Variants in SLC35F1 observed in about 807,000 individuals in gnomAD.
SLC35F1 encodes chromosome 6 open reading frame 169.
A neutral mutation model predicts 48.7 loss-of-function variants in SLC35F1; 14 were observed. The ratio of observed to expected loss-of-function variants is 0.29; its 90% CI spans 0.19 to 0.45. The LOEUF (loss-of-function observed/expected upper bound fraction) is 0.45. SLC35F1 is among the 20% of genes least tolerant of loss of function. SLC35F1 has a pLI of 1.00. For synonymous variants in SLC35F1, 190 were observed against 202.2 expected (o/e 0.94, Z 0.51); for missense variants, 404 against 500.0 (o/e 0.81, Z 1.83).
chr6:118,051,079 A>G (rs1034170413), intron 1 of SLC35F1, among the ~76,000 whole-genome samples: 3 of 152,194 alleles, frequency 2.0e-5, no homozygotes, highest in African/African-American at 7.2e-5. Flanking sequence ...GAATTTGTGC[A>G]TCCTCTCCTG....
chr6:118,069,131 C>G (rs1008794683), intron 1 of SLC35F1, among the ~76,000 whole-genome samples: 6 of 152,122 alleles, frequency 3.9e-5, no homozygotes. Context: ...ATTTCAAATT[C>G]TATCAGCATG....
At chr6:118,178,357 GT>G (rs1774523769) in intron 2 of SLC35F1, among the ~76,000 whole-genome samples, 1 of 151,962 alleles carries the variant, frequency 6.6e-6, no homozygotes, top group Non-Finnish European at 1.5e-5. Flanking sequence ...TCCTACAGCT[GT>G]TTTTTTGAAA....
intron 2 of SLC35F1, among the ~76,000 whole-genome samples, chr6:118,205,840 A>G (rs915826592): frequency 5.3e-5 from 8 of 152,228 alleles, no homozygotes; most frequent in Admixed American, 3.3e-4. Context: ...TACAATATGG[A>G]CTACCCTTGA....
chr6:118,147,452 A>G (rs1289745488), intron 1 of SLC35F1, among the ~76,000 whole-genome samples: 1 of 152,188 alleles, frequency 6.6e-6, no homozygotes, highest in Non-Finnish European at 1.5e-5. Flanking sequence ...GAGCTGGAGT[A>G]AGTGCTGAGA....
intron 2 of SLC35F1, among the ~76,000 whole-genome samples, chr6:118,207,021 T>C (rs1026957828): frequency 6.6e-6 from 1 of 152,216 alleles, no homozygotes; most frequent in Non-Finnish European, 1.5e-5. Flanking sequence ...AGGCTTCCTT[T>C]CCTTACCCTT....
At chr6:117,975,397 G>A (rs1406563437) in intron 1 of SLC35F1, among the ~76,000 whole-genome samples, 1 of 152,220 alleles carries the variant, frequency 6.6e-6, no homozygotes, top group East Asian at 1.9e-4. Flanking sequence ...TGCCAATTAA[G>A]CTTTGACCTG....
intron 2 of SLC35F1, among the ~76,000 whole-genome samples, chr6:118,196,479 G>A (rs1358789239): frequency 3.3e-5 from 5 of 152,140 alleles, no homozygotes; most frequent in Non-Finnish European, 7.4e-5. Context: ...ACTTTGGGAG[G>A]CTGAGGCGGG....
intron 1 of SLC35F1, among the ~76,000 whole-genome samples, chr6:118,106,285 A>G (rs1236009985): frequency 6.6e-6 from 1 of 152,118 alleles, no homozygotes; most frequent in Non-Finnish European, 1.5e-5. Flanking sequence ...TCTCTCATGT[A>G]TACTCAATGT....
chr6:118,009,987 G>A (rs537973140), intron 1 of SLC35F1, among the ~76,000 whole-genome samples: 1 of 152,100 alleles, frequency 6.6e-6, no homozygotes, highest in Non-Finnish European at 1.5e-5. Flanking sequence ...TATTGACTAC[G>A]TATTTTACAG....
rs190138346 is a variant in SLC35F1, at chr6:118,188,442, C to T, written c.349+33822C>T. ...GCATGCACCTGTAATCCCAGCTACTCGGGAGGCTGAGGCAGGAGAATCACT... is the reference window on the plus strand; with the variant it reads ...GCATGCACCTGTAATCCCAGCTACTTGGGAGGCTGAGGCAGGAGAATCACT... On this transcript the variant is annotated intron_variant, in intron 2 of 7. Coordinates refer to ENST00000360388, the MANE Select transcript of SLC35F1 (RefSeq NM_001029858.4). Among the ~76,000 whole-genome samples the T allele has an allele frequency of 7.9e-5, 12 of 151,758 alleles. No homozygotes were observed. The East Asian group carries it at 2.0e-3, about 25-fold the overall frequency.
chr6:118,268,310 C>A (rs1775803463), intron 4 of SLC35F1, among the ~76,000 whole-genome samples: 1 of 152,062 alleles, frequency 6.6e-6, no homozygotes, highest in South Asian at 2.1e-4. Context: ...CAACATAGAA[C>A]AAAAGAGAGA....
At chr6:118,287,202 C>A (rs911831210) in intron 7 of SLC35F1, among the ~76,000 whole-genome samples, 18 of 152,090 alleles carry the variant, frequency 1.2e-4, no homozygotes, top group African/African-American at 2.9e-4. Context: ...CTTCAAAATC[C>A]CCCTCCTCAC....
intron 1 of SLC35F1, among the ~76,000 whole-genome samples, chr6:118,100,647 G>A (rs1466237857): frequency 6.6e-6 from 1 of 152,194 alleles, no homozygotes. Flanking sequence ...GTATCAAAGT[G>A]TGACAGTGTT....
intron 1 of SLC35F1, among the ~76,000 whole-genome samples, chr6:118,091,333 AC>A (rs1175889574): frequency 1.3e-5 from 2 of 152,024 alleles, no homozygotes; most frequent in Non-Finnish European, 2.9e-5. Context: ...TGTGGGAGGG[AC>A]CCAGTTGGAG....
At chr6:118,075,532 G>T (rs1772805858) in intron 1 of SLC35F1, among the ~76,000 whole-genome samples, 1 of 152,186 alleles carries the variant, frequency 6.6e-6, no homozygotes, top group African/African-American at 2.4e-5. Flanking sequence ...ATTGTAATTA[G>T]ATACACAAAC....
chr6:118,098,282 TCCTGA>T (rs1773207183), intron 1 of SLC35F1, among the ~76,000 whole-genome samples: 1 of 152,200 alleles, frequency 6.6e-6, no homozygotes, highest in African/African-American at 2.4e-5. Flanking sequence ...GTACAGAATG[TCCTGA>T]AGACTTAAAT....
rs761599951 is a variant in SLC35F1, at chr6:118,069,271, G to T, written c.174-85174G>T. 6.1e-4 allele frequency among the ~76,000 whole-genome samples: 93 copies of T among 152,066 alleles called. 1 individual carries two copies. Among genetic ancestry groups the T allele is most frequent in the Non-Finnish European group, 8.8e-5 (6 of 68,004 alleles). ...TTGACAATTTCCTCATCATATGAAG[G>T]TAACACTAAATTTTTATTTCAGGAC... On this transcript the variant is annotated intron_variant, in intron 1 of 7. Coordinates refer to ENST00000360388, the MANE Select transcript of SLC35F1 (RefSeq NM_001029858.4).
chr6:118,012,050 G>A (rs1300684532), intron 1 of SLC35F1, among the ~76,000 whole-genome samples: 1 of 151,976 alleles, frequency 6.6e-6, no homozygotes, highest in African/African-American at 2.4e-5. Flanking sequence ...CAGGGTTAAT[G>A]GCATGCATAG....
chr6:118,267,524 A>T (rs1775790820), intron 4 of SLC35F1, among the ~76,000 whole-genome samples: 2 of 152,158 alleles, frequency 1.3e-5, no homozygotes, highest in South Asian at 4.1e-4. Flanking sequence ...TAATGAGCTA[A>T]TTCACTCCTG....
Sources: allele counts gnomAD v4.1 joint callset (sites outside exome capture counted in the v4.1 genomes callset), GRCh38; gene constraint gnomAD v4.1.1; transcripts MANE v1.5; gene names NCBI Gene and HGNC (gene_info 2026-07-23, HGNC 2026-07-21).